The following SOX5 variants were observed in gnomAD, a reference collection of about 807,000 sequenced individuals.
SOX5 encodes the protein SRY-box transcription factor 5.
Under a neutral mutation model 92.0 loss-of-function variants are expected in SOX5, and 9 were observed. That is an observed-to-expected ratio of 0.10 (90% CI 0.06 to 0.17). The LOEUF is 0.17. Among genes scored for constraint, SOX5 ranks in the 10% least tolerant of loss-of-function variants. The pLI, the probability that SOX5 is intolerant of heterozygous loss-of-function variation, is 1.00. For missense variants in SOX5, 642 were observed against 944.5 expected (o/e 0.68, Z 4.20); for synonymous variants, 344 against 336.3 (o/e 1.02, Z -0.25).
intron 2 of SOX5, among the ~76,000 whole-genome samples, chr12:24,356,702 C>A (rs73064458): frequency 7.2e-5 from 11 of 152,274 alleles, no homozygotes; most frequent in Admixed American, 4.6e-4. Context: ...GGACTTCATT[C>A]TTTTCACCCA....
chr12:23,787,526 C>T (rs2095402809), intron 3 of SOX5, among the ~76,000 whole-genome samples: 1 of 151,946 alleles, frequency 6.6e-6, no homozygotes, highest in Non-Finnish European at 1.5e-5. Flanking sequence ...AATTTGCATA[C>T]ACGATGAACA....
chr12:24,263,421 G>C (rs1398179682), intron 3 of SOX5, among the ~76,000 whole-genome samples: 1 of 150,978 alleles, frequency 6.6e-6, no homozygotes, highest in Non-Finnish European at 1.5e-5. Flanking sequence ...CCAGCTGCTC[G>C]GGAGGCTGAG....
chr12:24,197,179 G>A (rs1957084039), intron 4 of SOX5, among the ~76,000 whole-genome samples: 3 of 152,124 alleles, frequency 2.0e-5, no homozygotes, highest in Admixed American at 2.0e-4. Flanking sequence ...CTCTAATCTT[G>A]GGTGATGCCT....
At chr12:24,243,283 T>G (rs1038256957) in intron 3 of SOX5, among the ~76,000 whole-genome samples, 1 of 152,180 alleles carries the variant, frequency 6.6e-6, no homozygotes, top group Non-Finnish European at 1.5e-5. Flanking sequence ...ATTCAATTTC[T>G]CTATTTCCAG....
At position 24,083,910 on chromosome 12, in the gene SOX5, C is replaced by CT. The variant is rs976972157; in HGVS notation, c.-2+129432dup. ...TAGAGTACTTGCTGGTCCTTAAGTGCTACCCTTAAGTACAGCTGACTCGTG... is the reference window on the plus strand; with the variant it reads ...TAGAGTACTTGCTGGTCCTTAAGTGCTTACCCTTAAGTACAGCTGACTCGTG... On this transcript the variant is annotated intron_variant, in intron 4 of 4. Coordinates refer to the SOX5 transcript ENST00000446891. 2.6e-5 allele frequency among the ~76,000 whole-genome samples: 4 copies of CT among 152,074 alleles called. No homozygotes were observed. In the South Asian group the frequency reaches 6.2e-4, roughly 24 times the overall value.
chr12:23,970,121 C>A (rs1306614237), intron 4 of SOX5, among the ~76,000 whole-genome samples: 1 of 152,096 alleles, frequency 6.6e-6, no homozygotes, highest in African/African-American at 2.4e-5. Flanking sequence ...TTCTATTTTA[C>A]TCTGTTACAT....
Position 23,734,689 on chromosome 12 carries a change from T to C in SOX5, c.805A>G (p.Ile269Val). The C allele has an allele frequency of 6.2e-7, 1 of 1,610,346 alleles. No homozygotes were observed. Residue 269 changes from isoleucine to valine, a missense_variant, in exon 6 of 15, where the codon ATC (isoleucine) becomes GTC (valine). By Grantham distance (29) the Ile-to-Val change is conservative. Around this residue, in one of 8 missense-constraint regions of SOX5, gnomAD observed 324 missense variants for 461.6 expected, o/e 0.70. Coordinates refer to ENST00000451604, the MANE Select transcript of SOX5 (RefSeq NM_006940.6). Reference protein sequence around the residue: ...QHKINLLQQQIQVQGQLPPLM... With the variant: ...QHKINLLQQQVQVQGQLPPLM... ...TTGAAATTATGATTTCTGACCTGGA[T>C]CTGTTGCTGGAGCAAATTGATTTTG...
chr12:23,959,216 A>T (rs1055013535), intron 4 of SOX5, among the ~76,000 whole-genome samples: 1 of 151,950 alleles, frequency 6.6e-6, no homozygotes, highest in East Asian at 1.9e-4. Context: ...CAAATTTTGC[A>T]AAAGAAAAAG....
chr12:24,064,722 G>A (rs76523054), intron 4 of SOX5, among the ~76,000 whole-genome samples: 9 of 152,222 alleles, frequency 5.9e-5, no homozygotes, highest in African/African-American at 2.2e-4. Flanking sequence ...TCATAGAAAG[G>A]TCCTGTCATG....
At chr12:23,656,766 T>A (rs896602042) in intron 7 of SOX5, among the ~76,000 whole-genome samples, 1 of 151,780 alleles carries the variant, frequency 6.6e-6, no homozygotes, top group Non-Finnish European at 1.5e-5. Context: ...CTAAATATTT[T>A]TATATAAATA....
intron 3 of SOX5, among the ~76,000 whole-genome samples, chr12:23,804,915 T>TTTTATATATATA (rs1168376435): frequency 1.3e-5 from 1 of 75,048 alleles, no homozygotes; most frequent in African/African-American, 5.1e-5. Flanking sequence ...TATCATTGTT[T>TTTTATATATATA]TATATATATA....
At chr12:23,795,077 G>A (rs1430646080) in intron 3 of SOX5, among the ~76,000 whole-genome samples, 2 of 152,026 alleles carry the variant, frequency 1.3e-5, no homozygotes, top group Non-Finnish European at 2.9e-5. Context: ...TTGACCATGA[G>A]GATTCATGTT....
chr12:23,715,252 T>G (rs2092403824), intron 6 of SOX5, among the ~76,000 whole-genome samples: 1 of 149,848 alleles, frequency 6.7e-6, no homozygotes, highest in Middle Eastern at 3.4e-3. Context: ...TGAGCCGAGA[T>G]AGTGCCACTG....
At position 24,233,296 on chromosome 12, in the gene SOX5, TA is replaced by T. The variant is rs200736584; in HGVS notation, c.-76-19880del. On this transcript the variant is annotated intron_variant, in intron 3 of 4. Transcript: ENST00000446891. The stretch of plus-strand genomic sequence containing the variant: ...AATAATATGAATAACAATGAAAATT[TA>T]AAAAGCACACCAAGAAAAGCTAATC... 3.0e-3 allele frequency among the ~76,000 whole-genome samples: 461 copies of T among 152,112 alleles called. 11 individuals are homozygous for T. The highest frequency in any genetic ancestry group is 0.025 in the Admixed American group (378 of 15,276).
chr12:24,243,324 T>C (rs1248550964), intron 3 of SOX5, among the ~76,000 whole-genome samples: 4 of 152,178 alleles, frequency 2.6e-5, no homozygotes, highest in Non-Finnish European at 4.4e-5. Flanking sequence ...ATTTGTTTCA[T>C]AGTGTGTATA....
At chr12:23,804,019 C>T (rs538642080) in intron 3 of SOX5, among the ~76,000 whole-genome samples, 3 of 152,298 alleles carry the variant, frequency 2.0e-5, no homozygotes, top group East Asian at 1.9e-4. Flanking sequence ...GTTTTGTTTA[C>T]ATTTTATCCA....
intron 4 of SOX5, among the ~76,000 whole-genome samples, chr12:23,752,790 T>C (rs1422976474): frequency 1.3e-5 from 2 of 151,918 alleles, no homozygotes; most frequent in East Asian, 1.9e-4. Flanking sequence ...AACAAATACT[T>C]CTTTTGGGCA....
At chr12:24,191,726 A>G (rs1956545766) in intron 4 of SOX5, among the ~76,000 whole-genome samples, 2 of 152,220 alleles carry the variant, frequency 1.3e-5, no homozygotes, top group South Asian at 4.1e-4. Flanking sequence ...CAGGTACAAC[A>G]GGTATTTTCA....
chr12:24,016,122 G>A (rs1340738234), intron 4 of SOX5, among the ~76,000 whole-genome samples: 4 of 152,104 alleles, frequency 2.6e-5, no homozygotes, highest in South Asian at 2.1e-4. Context: ...GCTAACATGC[G>A]GTGGGCAAGA....
Sources: allele counts gnomAD v4.1 joint callset (sites outside exome capture counted in the v4.1 genomes callset), GRCh38; gene constraint gnomAD v4.1.1; regional missense constraint gnomAD v4.1.1; transcripts MANE v1.5; gene names NCBI Gene and HGNC (gene_info 2026-07-23, HGNC 2026-07-21).